Variants in TCF12 observed in about 807,000 individuals in gnomAD.
TCF12 encodes the protein transcription factor 12.
TCF12 carries 45 observed loss-of-function variants against 86.0 expected under a neutral mutation model. That is an observed-to-expected ratio of 0.52 (90% confidence interval 0.41 to 0.67). The LOEUF (loss-of-function observed/expected upper bound fraction) is 0.67, where lower values mean the gene tolerates loss of function less well. Ranked by LOEUF, TCF12 falls within the 30% of genes least tolerant of loss-of-function variation. The probability of loss-of-function intolerance (pLI) is 0.00; values close to 1 mark genes in which losing one functional copy is unlikely to be tolerated. For missense variants in TCF12, 881 were observed against 859.9 expected, an observed-to-expected ratio of 1.02 and a Z score of -0.31; for synonymous variants, 330 against 299.6, an observed-to-expected ratio of 1.10 and a Z score of -1.05.
chr15:56,996,345 C>G (rs1481246721), intron 3 of TCF12, among the ~76,000 whole-genome samples: 1 of 152,114 alleles, frequency 6.6e-6, no homozygotes, highest in Non-Finnish European at 1.5e-5. Flanking sequence ...AAGCCACACA[C>G]CTACAACCAT....
intron 6 of TCF12, among the ~76,000 whole-genome samples, chr15:57,178,098 A>G (rs2056083502): frequency 6.6e-6 from 1 of 152,312 alleles, no homozygotes; most frequent in Admixed American, 6.5e-5. Flanking sequence ...CCATCTCAAA[A>G]CAGAAAAAAG....
intron 5 of TCF12, among the ~76,000 whole-genome samples, chr15:57,140,662 A>G (rs1369038596): frequency 1.3e-5 from 2 of 152,212 alleles, no homozygotes; most frequent in African/African-American, 4.8e-5. Context: ...TGGGACACAT[A>G]GTGGGCTAAG....
intron 6 of TCF12, among the ~76,000 whole-genome samples, chr15:57,177,404 G>A (rs1442513279): frequency 1.3e-5 from 2 of 151,458 alleles, no homozygotes; most frequent in African/African-American, 4.9e-5. Context: ...TGAGTAGCTC[G>A]GATTACAGGT....
At chr15:57,192,907 A>G (rs2057058854) in intron 7 of TCF12, among the ~76,000 whole-genome samples, 2 of 152,228 alleles carry the variant, frequency 1.3e-5, no homozygotes, top group Admixed American at 1.3e-4. Context: ...ACAAGTTTCA[A>G]ACAGCCAGTG....
At chr15:57,120,201 C>T (rs1240896737) in intron 5 of TCF12, among the ~76,000 whole-genome samples, 23 of 152,286 alleles carry the variant, frequency 1.5e-4, no homozygotes, top group African/African-American at 4.8e-4. Context: ...ATGACTTTGC[C>T]GTCCTGGAGT....
At chr15:57,137,798 G>A (rs574566192) in intron 5 of TCF12, among the ~76,000 whole-genome samples, 27 of 152,270 alleles carry the variant, frequency 1.8e-4, no homozygotes, top group African/African-American at 6.5e-4. Context: ...AGAGGCCAAG[G>A]CTGGCGGATC....
At chr15:57,132,999 GGTCACCTAATTT>G (rs2052253473) in intron 5 of TCF12, among the ~76,000 whole-genome samples, 1 of 152,112 alleles carries the variant, frequency 6.6e-6, no homozygotes, top group African/African-American at 2.4e-5. Context: ...TTTTTTTCAT[GGTCACCTAATTT>G]TTATTTGCAA....
At chr15:56,941,364 C>A (rs1487994042) in intron 3 of TCF12, among the ~76,000 whole-genome samples, 2 of 140,086 alleles carry the variant, frequency 1.4e-5, no homozygotes, top group African/African-American at 4.9e-5. Flanking sequence ...GGGACCCTGT[C>A]TCAAAAAAAT....
intron 5 of TCF12, chr15:57,130,110 A>C (rs183336786): frequency 1.3e-5 from 2 of 152,222 alleles, no homozygotes; most frequent in African/African-American, 4.8e-5. Context: ...TTTGAAATGT[A>C]ATGTGCCTAA....
At chr15:57,271,406 G>A (rs1443408581) in intron 18 of TCF12, among the ~76,000 whole-genome samples, 3 of 152,248 alleles carry the variant, frequency 2.0e-5, no homozygotes, top group Non-Finnish European at 4.4e-5. Context: ...AGGCACGGGA[G>A]GGAATCTCCT....
chr15:57,009,055 T>TA (rs2064657576), intron 3 of TCF12, among the ~76,000 whole-genome samples: 1 of 152,224 alleles, frequency 6.6e-6, no homozygotes, highest in African/African-American at 2.4e-5. Flanking sequence ...ATTTTGAAGT[T>TA]AAAGTCCCAG....
chr15:57,096,091 T>G (rs1168638322), intron 5 of TCF12, among the ~76,000 whole-genome samples: 1 of 152,188 alleles, frequency 6.6e-6, no homozygotes, highest in Non-Finnish European at 1.5e-5. Context: ...GCTCAGATTT[T>G]TTACTAGCTC....
chr15:57,131,541 G>A (rs535294162), intron 5 of TCF12, among the ~76,000 whole-genome samples: 142 of 152,280 alleles, frequency 9.3e-4, no homozygotes, highest in Middle Eastern at 3.4e-3. Context: ...AGGAATGGTT[G>A]TCTTTGTATC....
intron 19 of TCF12, 143 bp from the exon 20 acceptor site, chr15:57,282,302 T>A: frequency 1.1e-6 from 1 of 938,798 alleles, no homozygotes; most frequent in East Asian, 2.5e-5. Context: ...AATGCTGAGG[T>A]TTTATGTGAG....
intron 3 of TCF12, among the ~76,000 whole-genome samples, chr15:56,932,731 T>C (rs1460809323): frequency 3.3e-5 from 5 of 151,980 alleles, no homozygotes; most frequent in African/African-American, 1.2e-4. Flanking sequence ...ACCACACTTA[T>C]TTTTGTAATT....
intron 5 of TCF12, 75 bp downstream of exon 5, chr15:57,091,966 G>T (rs2049020235): frequency 3.2e-6 from 4 of 1,235,458 alleles, no homozygotes; most frequent in Non-Finnish European, 4.7e-6. Context: ...CCTTTGTCCA[G>T]GAGGGACAGG....
rs146370044 is a variant in TCF12 at position 57,120,569 on chromosome 15, A to G, written c.325+28678A>G. 1.9e-3 allele frequency among the ~76,000 whole-genome samples: 288 copies of G among 152,326 alleles called. 2 individuals are homozygous for G. The highest frequency in any genetic ancestry group is 8.7e-3 in the East Asian group (45 of 5,192). Reference sequence around the variant, plus strand: ...TGAATGCATATCTGTCTCTCCTGTTAGGTTGCCAGCTTCTTGAAGAATAAA... The same window carrying G: ...TGAATGCATATCTGTCTCTCCTGTTGGGTTGCCAGCTTCTTGAAGAATAAA... On this transcript the variant is annotated intron_variant, in intron 5 of 20. Transcript: ENST00000333725.
chr15:57,192,909 C>G (rs1471849206), intron 7 of TCF12, among the ~76,000 whole-genome samples: 1 of 152,202 alleles, frequency 6.6e-6, no homozygotes, highest in Non-Finnish European at 1.5e-5. Flanking sequence ...AAGTTTCAAA[C>G]AGCCAGTGTA....
chr15:56,990,401 A>G (rs1161065753), intron 3 of TCF12, among the ~76,000 whole-genome samples: 1 of 152,128 alleles, frequency 6.6e-6, no homozygotes, highest in African/African-American at 2.4e-5. Flanking sequence ...GGACAGATTT[A>G]GAAACTTATA....
Sources: allele counts gnomAD v4.1 joint callset (sites outside exome capture counted in the v4.1 genomes callset), GRCh38; gene constraint gnomAD v4.1.1; transcripts MANE v1.5; gene names NCBI Gene and HGNC (gene_info 2026-07-23, HGNC 2026-07-21).